Variants in FNIP2 observed in about 807,000 individuals in gnomAD.
FNIP2 encodes folliculin interacting protein 2.
FNIP2 carries 32 observed loss-of-function variants against 108.7 expected under a neutral mutation model. That is an observed-to-expected ratio of 0.29 (90% CI 0.22 to 0.40). The LOEUF (loss-of-function observed/expected upper bound fraction) is 0.40, where lower values mean the gene tolerates loss of function less well. Ranked by LOEUF, FNIP2 falls within the 10% of genes least tolerant of loss-of-function variation. FNIP2 has a pLI of 1.00. For missense variants in FNIP2, 1,202 were observed against 1,381.6 expected (o/e 0.87, Z 2.06); for synonymous variants, 480 against 496.7 (o/e 0.97, Z 0.45).
intron 14 of FNIP2, among the ~76,000 whole-genome samples, chr4:158,886,515 C>T (rs768694023): frequency 1.1e-4 from 16 of 152,172 alleles, no homozygotes; most frequent in Non-Finnish European, 1.9e-4. Context: ...CCCTGGCTGC[C>T]GTTGGACACT....
intron 12 of FNIP2, among the ~76,000 whole-genome samples, chr4:158,866,629 G>A (rs1433375478): frequency 6.6e-6 from 1 of 151,996 alleles, no homozygotes; most frequent in Non-Finnish European, 1.5e-5. Flanking sequence ...AGGCTGGAGT[G>A]CGGTGGCGAC....
intron 8 of FNIP2, among the ~76,000 whole-genome samples, chr4:158,857,949 C>T (rs1280019557): frequency 6.6e-6 from 1 of 151,908 alleles, no homozygotes; most frequent in Non-Finnish European, 1.5e-5. Context: ...CCCTGTCCCC[C>T]CAAAATTAAT....
chr4:158,883,476 T>C (rs575992840), intron 14 of FNIP2, among the ~76,000 whole-genome samples: 20 of 152,204 alleles, frequency 1.3e-4, no homozygotes, highest in East Asian at 5.8e-4. Flanking sequence ...CTCCTGACCT[T>C]GTGATCCGCC....
intron 1 of FNIP2, among the ~76,000 whole-genome samples, chr4:158,772,704 T>A (rs1775735154): frequency 6.6e-6 from 1 of 152,244 alleles, no homozygotes. Context: ...AGTATAAGTA[T>A]AATTTAATCC....
Position 158,833,550 on chromosome 4 carries a change from A to C in FNIP2, c.577A>C (p.Ile193Leu). 1 of 1,607,830 alleles carries C rather than the reference A, an allele frequency of 6.2e-7. No homozygotes were observed. Among genetic ancestry groups the C allele is most frequent in the Non-Finnish European group, 8.5e-7 (1 of 1,178,008 alleles). Residue 193 changes from isoleucine to leucine, a missense_variant, in exon 6 of 17, where the codon ATC becomes CTC. This residue lies in a region of FNIP2 where 878 missense variants were observed against 990.3 expected (regional missense o/e 0.89). Transcript: ENST00000264433. ...TNNLQDSFEY[I>L]NQDPNLGKLN... The stretch of plus-strand genomic sequence containing the variant: ...TAGCTTGCAAGACAGCTTTGAGTAC[A>C]TCAACCAAGATCCTAATTTGGGAAA...
At chr4:158,886,433 G>A (rs948398425) in intron 14 of FNIP2, among the ~76,000 whole-genome samples, 1 of 152,176 alleles carries the variant, frequency 6.6e-6, no homozygotes, top group African/African-American at 2.4e-5. Flanking sequence ...TTCTGTGGGA[G>A]GCATGTAACC....
chr4:158,902,079 G>T (rs919245385), intron 16 of FNIP2, among the ~76,000 whole-genome samples: 2 of 151,970 alleles, frequency 1.3e-5, no homozygotes, highest in African/African-American at 4.8e-5. Flanking sequence ...CTGGTTTTTT[G>T]AATTTTCAGC....
At position 158,829,257 on chromosome 4, in the gene FNIP2, T is replaced by C. The variant is rs1177936852; in HGVS notation, c.381+32T>C. ...CCATCCCTTCTGTGGGAATAGCCCC[T>C]GAGGTTAAAGTTATTTACTGTAATT... On this transcript the variant is annotated intron_variant, in intron 3 of 16. Transcript: ENST00000264433. The C allele has an allele frequency of 3.2e-6, 5 of 1,553,732 alleles. No homozygotes were observed. The African/African-American group carries it at 6.8e-5, about 21-fold the overall frequency.
chr4:158,861,222 G>T lies in FNIP2; in HGVS notation c.1149-120G>T. Reference sequence around the variant, plus strand: ...GTGTGCAACCCCTGTTATGTGTGGAGCTTGAATCTTTTAAGGACTACATAG... The same window carrying T: ...GTGTGCAACCCCTGTTATGTGTGGATCTTGAATCTTTTAAGGACTACATAG... On this transcript the variant is annotated intron_variant, in intron 10 of 16. Transcript: ENST00000264433. 3 of 1,183,866 alleles carry T rather than the reference G, an allele frequency of 2.5e-6. No homozygotes were observed. In the South Asian group the frequency reaches 5.0e-5, roughly 20 times the overall value. 73.3% of individuals were successfully genotyped at this position (1,183,866 alleles called of 1,614,324 possible).
At chr4:158,814,713 G>A (rs562058753) in intron 1 of FNIP2, among the ~76,000 whole-genome samples, 41 of 152,272 alleles carry the variant, frequency 2.7e-4, no homozygotes, top group African/African-American at 9.6e-4. Context: ...AGGGGATGAA[G>A]GACAGGAAAA....
chr4:158,823,858 C>G (rs1277677185), intron 1 of FNIP2, among the ~76,000 whole-genome samples: 1 of 152,104 alleles, frequency 6.6e-6, no homozygotes, highest in Non-Finnish European at 1.5e-5. Flanking sequence ...TTAGCCAGAC[C>G]TGAAACATGG....
intron 7 of FNIP2, among the ~76,000 whole-genome samples, chr4:158,844,058 C>T (rs1779269220): frequency 1.3e-5 from 2 of 152,218 alleles, no homozygotes; most frequent in African/African-American, 4.8e-5. Context: ...GAAACTGGAG[C>T]TGCTTCTGAG....
At chr4:158,852,396 A>G (rs1217365406) in intron 8 of FNIP2, among the ~76,000 whole-genome samples, 1 of 152,214 alleles carries the variant, frequency 6.6e-6, no homozygotes, top group Non-Finnish European at 1.5e-5. Flanking sequence ...AGAAAAAATT[A>G]TAGCTTTGTC....
intron 7 of FNIP2, among the ~76,000 whole-genome samples, chr4:158,847,962 G>A (rs1779496618): frequency 6.6e-6 from 1 of 152,212 alleles, no homozygotes; most frequent in Admixed American, 6.5e-5. Context: ...TGTGGCTTGG[G>A]TGCCAGCCCA....
At chr4:158,895,640 G>A (rs1476553441) in intron 15 of FNIP2, 110 bp from the exon 16 acceptor site, 1 of 679,948 alleles carries the variant, frequency 1.5e-6, no homozygotes, top group African/African-American at 1.8e-5. Flanking sequence ...ATTTGAAACT[G>A]ATGAGATAAA....
chr4:158,890,075 T>C, intron 14 of FNIP2: 2 of 985,412 alleles, frequency 2.0e-6, no homozygotes, highest in Non-Finnish European at 2.4e-6. Context: ...AGTTAACAAT[T>C]CTACAAAATG....
chr4:158,868,598 T>C lies in FNIP2; in HGVS notation c.1962T>C (p.Asn654=). ...ATGCATTTTGTGGGGATGAGAAAAA[T>C]AAAGAGGCACCGCAAGATGGCTCTT... is the stretch of plus-strand genomic sequence containing the variant. ...PQNAFCGDEK[N]KEAPQDGSSR... Residue 654 remains asparagine, a synonymous_variant, in exon 13 of 17, where the codon AAT becomes AAC. Coordinates refer to ENST00000264433, the MANE Select transcript of FNIP2 (RefSeq NM_020840.3). The surrounding 1 kb of genome is among the most constrained non-coding windows in gnomAD (Gnocchi z 4.6). 6.2e-7 allele frequency: 1 copy of C among 1,613,488 alleles called. No individual in the cohort carries two copies. The highest frequency in any genetic ancestry group is 8.5e-7 in the Non-Finnish European group (1 of 1,179,696).
rs28461488 is a variant in FNIP2, at chr4:158,787,487, G to A, written c.107+18168G>A. On this transcript the variant is annotated intron_variant, in intron 1 of 16. Transcript: ENST00000264433. ...GCAGTTATATTTATTTTATAGAATA[G>A]GAAAAGGCTCACTCACCAGGGCTAC... 2.4e-3 allele frequency among the ~76,000 whole-genome samples: 365 copies of A among 152,216 alleles called. 1 individual carries two copies. Among genetic ancestry groups the A allele is most frequent in the African/African-American group, 8.6e-3 (359 of 41,544 alleles).
At chr4:158,831,483 T>G (rs1778479877) in intron 3 of FNIP2, among the ~76,000 whole-genome samples, 1 of 152,190 alleles carries the variant, frequency 6.6e-6, no homozygotes, top group Non-Finnish European at 1.5e-5. Flanking sequence ...CCGAACCATA[T>G]TTTTTTCAGG....
Sources: allele counts gnomAD v4.1 joint callset (sites outside exome capture counted in the v4.1 genomes callset), GRCh38; gene constraint gnomAD v4.1.1; regional missense constraint gnomAD v4.1.1; non-coding constraint Gnocchi (gnomAD v3.1); transcripts MANE v1.5; gene names NCBI Gene and HGNC (gene_info 2026-07-23, HGNC 2026-07-21).